Variants in FAM161A observed in about 807,000 individuals in gnomAD.
FAM161A encodes FAM161 centrosomal protein A.
FAM161A carries 57 observed loss-of-function variants against 70.9 expected under a neutral mutation model. The observed-to-expected ratio is 0.80, with a 90% confidence interval of 0.65 to 1.00. The LOEUF is 1.00. Among genes scored for constraint, FAM161A ranks in the 50% least tolerant of loss-of-function variants. The pLI, the probability that FAM161A is intolerant of heterozygous loss-of-function variation, is 0.00. For missense variants in FAM161A, 880 were observed against 836.0 expected, an observed-to-expected ratio of 1.05 and a Z score of -0.65; for synonymous variants, 299 against 295.7, an observed-to-expected ratio of 1.01 and a Z score of -0.12.
chr2:61,812,293 T>C, the FAM161A span, among the ~76,000 whole-genome samples: 4 of 152,258 alleles, frequency 2.6e-5, no homozygotes, highest in Non-Finnish European at 4.4e-5. Context: ...TTTGCTGATG[T>C]ATTCTCAGTA....
chr2:61,853,416 G>A (rs1673565312), intron 1 of FAM161A, among the ~76,000 whole-genome samples: 1 of 152,142 alleles, frequency 6.6e-6, no homozygotes, highest in African/African-American at 2.4e-5. Flanking sequence ...ACACGTGATG[G>A]TTTTAAACAC....
chr2:61,816,161 G>C, the FAM161A span, among the ~76,000 whole-genome samples: 14 of 152,194 alleles, frequency 9.2e-5, no homozygotes, highest in South Asian at 2.9e-3. Flanking sequence ...TTCTCCCATA[G>C]CATAAACTCA....
the FAM161A span, among the ~76,000 whole-genome samples, chr2:61,815,874 C>G: frequency 6.6e-6 from 1 of 152,002 alleles, no homozygotes; most frequent in Non-Finnish European, 1.5e-5. Context: ...TTTGTCCCTC[C>G]TTGTCCACTG....
At chr2:61,809,182 T>C in the FAM161A span, among the ~76,000 whole-genome samples, 1 of 152,088 alleles carries the variant, frequency 6.6e-6, no homozygotes, top group South Asian at 2.1e-4. Flanking sequence ...CTAGTGCTTT[T>C]CTTGGAACAC....
chr2:61,815,190 C>G, the FAM161A span, among the ~76,000 whole-genome samples: 1 of 152,196 alleles, frequency 6.6e-6, no homozygotes, highest in African/African-American at 2.4e-5. Context: ...TCTAGGGATA[C>G]TCATGGGATT....
chr2:61,835,381 G>A (rs1672733481), intron 5 of FAM161A: 1 of 152,082 alleles, frequency 6.6e-6, no homozygotes, highest in African/African-American at 2.4e-5. Flanking sequence ...TAAAATCAGG[G>A]TCCACTGTCC....
At position 61,848,861 on chromosome 2, in the gene FAM161A, T is replaced by A. The variant is rs1673335174; in HGVS notation, c.183+4998A>T. Among the ~76,000 whole-genome samples the A allele has an allele frequency of 2.5e-4, 2 of 7,978 alleles. 1 individual carries two copies. The highest frequency in any genetic ancestry group is 9.6e-4 in the African/African-American group (2 of 2,094). The allele number at this position is 7,978 out of a possible 152,430, so 5.2% of individuals were successfully genotyped here. On this transcript the variant is annotated intron_variant, in intron 1 of 6. Transcript: ENST00000404929. ...ATTTATATATATATTTATATATATA[T>A]TTATATATATATTTATATATATATT...
chr2:61,827,376 C>A (rs893140196), intron 5 of FAM161A, 118 bp from the exon 6 acceptor site: 4 of 920,430 alleles, frequency 4.3e-6, no homozygotes. Flanking sequence ...TTTGGGAGGC[C>A]GAGACGGGTG....
chr2:61,812,139 C>A, the FAM161A span, among the ~76,000 whole-genome samples: 1 of 152,076 alleles, frequency 6.6e-6, no homozygotes, highest in African/African-American at 2.4e-5. Context: ...TCTAACTAGG[C>A]AAACTCTCCC....
the FAM161A span, chr2:61,803,324 C>T: frequency 2.6e-5 from 17 of 665,658 alleles, no homozygotes; most frequent in African/African-American, 2.9e-4. Context: ...TAAAATGAAC[C>T]CAAACATACC....
chr2:61,836,184 T>C, intron 4 of FAM161A, 75 bp from the exon 5 acceptor site: 4 of 1,021,438 alleles, frequency 3.9e-6, no homozygotes, highest in Non-Finnish European at 6.1e-6. Flanking sequence ...AACATTTAAC[T>C]TATCAACTTG....
At chr2:61,817,176 G>A in the FAM161A span, among the ~76,000 whole-genome samples, 1 of 152,228 alleles carries the variant, frequency 6.6e-6, no homozygotes, top group Non-Finnish European at 1.5e-5. Context: ...TTCTTCGCAT[G>A]GAATTTGGCC....
At chr2:61,844,100 G>GC (rs1225314696) in intron 1 of FAM161A, among the ~76,000 whole-genome samples, 1 of 151,808 alleles carries the variant, frequency 6.6e-6, no homozygotes. Context: ...CTGAGATCAG[G>GC]CCACTGCACT....
At chr2:61,814,711 A>T in the FAM161A span, among the ~76,000 whole-genome samples, 1 of 152,160 alleles carries the variant, frequency 6.6e-6, no homozygotes, top group South Asian at 2.1e-4. Context: ...CAAGACAGGA[A>T]GAAATAAATG....
At chr2:61,804,239 A>C in the FAM161A span, among the ~76,000 whole-genome samples, 8 of 152,162 alleles carry the variant, frequency 5.3e-5, no homozygotes, top group African/African-American at 1.9e-4. Context: ...GGTGGGTTTT[A>C]GCCGACTTCT....
intron 1 of FAM161A, among the ~76,000 whole-genome samples, chr2:61,848,142 A>G (rs1673297649): frequency 6.6e-6 from 1 of 152,236 alleles, no homozygotes; most frequent in Non-Finnish European, 1.5e-5. Flanking sequence ...ATCATGTCTT[A>G]TAGCAGTCAT....
rs370565627 is a variant in FAM161A, at chr2:61,844,376, G to C, written c.184-2016C>G. Among the ~76,000 whole-genome samples, 196 of 152,112 alleles carry C rather than the reference G, an allele frequency of 1.3e-3. 3 individuals carry two copies. The South Asian group carries it at 0.039, about 30-fold the overall frequency. Reference sequence around the variant, plus strand: ...GGGGCCATCCTGCAATCAGCTAGCTGCTAAAATGTACGTCAGATTTTTTTT... The same window carrying C: ...GGGGCCATCCTGCAATCAGCTAGCTCCTAAAATGTACGTCAGATTTTTTTT... On this transcript the variant is annotated intron_variant, in intron 1 of 6. Transcript: ENST00000404929.
chr2:61,817,141 C>A, the FAM161A span, among the ~76,000 whole-genome samples: 2 of 152,332 alleles, frequency 1.3e-5, no homozygotes, highest in Non-Finnish European at 2.9e-5. Flanking sequence ...CGGTCAAGTG[C>A]CACGCGGGGA....
At chr2:61,821,311 A>G (rs1204785889), downstream of FAM161A, among the ~76,000 whole-genome samples, 1 of 152,112 alleles carries the variant, frequency 6.6e-6, no homozygotes, top group African/African-American at 2.4e-5. Flanking sequence ...TCGGCCTCCC[A>G]AAGTGCTGGG....
Sources: gnomAD v4.1 joint callset for allele counts (sites outside exome capture counted in the v4.1 genomes callset) on GRCh38, gnomAD v4.1.1 for gene constraint, MANE v1.5 for transcripts, NCBI Gene and HGNC (gene_info 2026-07-23, HGNC 2026-07-21) for gene names.